TRPC4: variants seen among roughly 807,000 people sequenced by gnomAD.
TRPC4 encodes short transient receptor potential channel 4.
In TRPC4, 49 loss-of-function variants were observed where a neutral mutation model predicts 99.4. The ratio of observed to expected loss-of-function variants is 0.49; its 90% CI spans 0.39 to 0.63. The LOEUF is 0.63. Among genes scored for constraint, TRPC4 ranks in the 20% least tolerant of loss-of-function variants. TRPC4 has a pLI of 0.00. For synonymous variants in TRPC4, 454 were observed against 425.9 expected (o/e 1.07, Z -0.81); for missense variants, 898 against 1,152.9 (o/e 0.78, Z 3.20).
At chr13:37,815,150 A>T (rs1351124684) in intron 1 of TRPC4, among the ~76,000 whole-genome samples, 6 of 151,832 alleles carry the variant, frequency 4.0e-5, no homozygotes, top group Admixed American at 3.3e-4. Flanking sequence ...TTGGACCCAA[A>T]CTTCATACAA....
At chr13:37,649,301 C>G (rs1421903662) in intron 8 of TRPC4, among the ~76,000 whole-genome samples, 1 of 152,050 alleles carries the variant, frequency 6.6e-6, no homozygotes, top group African/African-American at 2.4e-5. Flanking sequence ...TACTACATAA[C>G]ATATCTGTTT....
At chr13:37,803,216 G>A (rs1249415162) in intron 1 of TRPC4, among the ~76,000 whole-genome samples, 1 of 151,868 alleles carries the variant, frequency 6.6e-6, no homozygotes, top group African/African-American at 2.4e-5. Flanking sequence ...GGCTCATCTT[G>A]CATTTTCCCT....
chr13:37,831,767 T>A (rs1187634566), intron 1 of TRPC4, among the ~76,000 whole-genome samples: 2 of 152,206 alleles, frequency 1.3e-5, no homozygotes, highest in East Asian at 3.9e-4. Context: ...TTATGCTAAA[T>A]GAAATAATCC....
intron 8 of TRPC4, among the ~76,000 whole-genome samples, chr13:37,641,028 A>C (rs1250497989): frequency 1.3e-5 from 2 of 152,200 alleles, no homozygotes; most frequent in Non-Finnish European, 2.9e-5. Flanking sequence ...ATTTAACTTT[A>C]AATTTCTTTA....
chr13:37,697,444 G>A (rs975167418), intron 3 of TRPC4, among the ~76,000 whole-genome samples: 148 of 152,180 alleles, frequency 9.7e-4, no homozygotes, highest in African/African-American at 3.5e-3. Flanking sequence ...TGACAGCTTC[G>A]TAAGTGAATG....
chr13:37,857,457 CA>C (rs1959183519), intron 1 of TRPC4, among the ~76,000 whole-genome samples: 1 of 151,356 alleles, frequency 6.6e-6, no homozygotes, highest in Non-Finnish European at 1.5e-5. Context: ...CCAGAATCGC[CA>C]AAGCTATCCT....
intron 1 of TRPC4, among the ~76,000 whole-genome samples, chr13:37,831,968 T>C (rs1020813768): frequency 6.6e-6 from 1 of 152,162 alleles, no homozygotes; most frequent in Non-Finnish European, 1.5e-5. Context: ...TAGTGATCTA[T>C]TGCATAACAT....
intron 2 of TRPC4, among the ~76,000 whole-genome samples, chr13:37,769,740 G>A (rs897264957): frequency 6.6e-6 from 1 of 151,456 alleles, no homozygotes; most frequent in Admixed American, 6.6e-5. Flanking sequence ...CAACAAGTTT[G>A]TCTCTTATAT....
In TRPC4 at chr13:37,754,008, C is replaced by T. The variant is rs557798240; in HGVS notation, c.379-7553G>A. ...GATACTGAAGCTATGGAGAGGGCAG[C>T]GAAAAGCTATGACTCAGGGACTCTG... On this transcript the variant is annotated intron_variant, in intron 2 of 10. Transcript: ENST00000379705. 8.5e-5 allele frequency among the ~76,000 whole-genome samples: 13 copies of T among 152,122 alleles called. No homozygotes were observed. The South Asian group carries it at 2.7e-3, about 32-fold the overall frequency.
intron 1 of TRPC4, among the ~76,000 whole-genome samples, chr13:37,801,456 G>A (rs910411978): frequency 3.3e-5 from 5 of 152,122 alleles, no homozygotes; most frequent in South Asian, 2.1e-4. Flanking sequence ...GAGGGCAGTC[G>A]CTTGCATATA....
chr13:37,716,689 C>T (rs1954679155), intron 3 of TRPC4, among the ~76,000 whole-genome samples: 1 of 151,990 alleles, frequency 6.6e-6, no homozygotes, highest in African/African-American at 2.4e-5. Context: ...ATATTTTTAA[C>T]ATAAAATTTC....
At chr13:37,853,798 A>T (rs551430495) in intron 1 of TRPC4, among the ~76,000 whole-genome samples, 1 of 152,190 alleles carries the variant, frequency 6.6e-6, no homozygotes, top group East Asian at 1.9e-4. Flanking sequence ...TGAAGAATGC[A>T]TCAGAGTAAC....
intron 3 of TRPC4, among the ~76,000 whole-genome samples, chr13:37,712,978 C>A (rs530917941): frequency 1.1e-3 from 162 of 152,312 alleles, no homozygotes; most frequent in Non-Finnish European, 2.1e-3. Flanking sequence ...CTCACACAAG[C>A]ACCCTCTATG....
intron 2 of TRPC4, among the ~76,000 whole-genome samples, chr13:37,780,345 A>G (rs539163060): frequency 2.7e-5 from 4 of 148,322 alleles, no homozygotes; most frequent in African/African-American, 9.8e-5. Context: ...TTCTTAACTC[A>G]TTTTAGGATG....
chr13:37,661,927 C>G (rs17056398), intron 6 of TRPC4, among the ~76,000 whole-genome samples: 2,418 of 152,124 alleles, frequency 0.016, 62 homozygotes, highest in African/African-American at 0.055. Context: ...ATTCCTCCTG[C>G]CCAGGGTCAG....
chr13:37,668,001 T>A (rs552879629), intron 5 of TRPC4, among the ~76,000 whole-genome samples: 1 of 152,318 alleles, frequency 6.6e-6, no homozygotes, highest in East Asian at 1.9e-4. Flanking sequence ...CCATACGGGT[T>A]TACAACATGG....
intron 1 of TRPC4, among the ~76,000 whole-genome samples, chr13:37,827,139 C>G (rs1178708353): frequency 6.6e-6 from 1 of 152,090 alleles, no homozygotes; most frequent in African/African-American, 2.4e-5. Flanking sequence ...CCTTTAAACA[C>G]TTCTCTGTAT....
At chr13:37,776,427 T>C (rs1314736293) in intron 2 of TRPC4, among the ~76,000 whole-genome samples, 1 of 151,850 alleles carries the variant, frequency 6.6e-6, no homozygotes, top group African/African-American at 2.4e-5. Context: ...TCTTTAATAC[T>C]ATACTATAAC....
chr13:37,833,575 A>G (rs1309951303), intron 1 of TRPC4, among the ~76,000 whole-genome samples: 1 of 152,204 alleles, frequency 6.6e-6, no homozygotes, highest in Admixed American at 6.5e-5. Flanking sequence ...GTGGTTCTTT[A>G]CTTAGCCTTG....
Sources: allele counts gnomAD v4.1 joint callset (sites outside exome capture counted in the v4.1 genomes callset), GRCh38; gene constraint gnomAD v4.1.1; transcripts MANE v1.5; gene names NCBI Gene and HGNC (gene_info 2026-07-23, HGNC 2026-07-21).